The following FAM13A variants were observed in gnomAD, a reference collection of about 807,000 sequenced individuals.
FAM13A encodes protein FAM13A.
Under a neutral mutation model 129.6 loss-of-function variants are expected in FAM13A, and 76 were observed. The ratio of observed to expected loss-of-function variants is 0.59; its 90% CI spans 0.49 to 0.71. The LOEUF is 0.71. Among genes scored for constraint, FAM13A ranks in the 30% least tolerant of loss-of-function variants. The pLI, the probability that FAM13A is intolerant of heterozygous loss-of-function variation, is 0.00. For synonymous variants in FAM13A, 443 were observed against 449.9 expected (o/e 0.98, Z 0.20); for missense variants, 1,108 against 1,249.3 (o/e 0.89, Z 1.70).
intron 13 of FAM13A, 81 bp downstream of exon 13, chr4:88,767,472 G>T: frequency 2.0e-6 from 2 of 977,842 alleles, no homozygotes; most frequent in Non-Finnish European, 3.0e-6. Context: ...TCCCTTATTG[G>T]CAGACTAATA....
At chr4:88,895,433 C>T (rs921332897) in intron 6 of FAM13A, among the ~76,000 whole-genome samples, 9 of 151,130 alleles carry the variant, frequency 6.0e-5, no homozygotes, top group African/African-American at 2.2e-4. Context: ...TCTAATTAAA[C>T]TAAAGAGCTT....
At chr4:88,850,621 T>C (rs894271952) in intron 7 of FAM13A, among the ~76,000 whole-genome samples, 2 of 152,178 alleles carry the variant, frequency 1.3e-5, no homozygotes, top group African/African-American at 4.8e-5. Flanking sequence ...AGTTATAATG[T>C]GCAACATACT....
chr4:89,003,164 C>A (rs867362057), intron 3 of FAM13A, among the ~76,000 whole-genome samples: 1 of 151,264 alleles, frequency 6.6e-6, no homozygotes, highest in African/African-American at 2.4e-5. Flanking sequence ...ATGACATCTA[C>A]AACCAATACA....
At chr4:89,054,925 A>G (rs999139119) in intron 1 of FAM13A, among the ~76,000 whole-genome samples, 8 of 151,954 alleles carry the variant, frequency 5.3e-5, no homozygotes, top group Non-Finnish European at 8.8e-5. Flanking sequence ...ATTATTTACT[A>G]CCTCTCTAAA....
At chr4:88,875,129 C>A (rs1449137381) in intron 6 of FAM13A, among the ~76,000 whole-genome samples, 1 of 152,124 alleles carries the variant, frequency 6.6e-6, no homozygotes, top group African/African-American at 2.4e-5. Context: ...ACATCTTATA[C>A]AAAAATTAAT....
intron 6 of FAM13A, among the ~76,000 whole-genome samples, chr4:88,883,423 C>T (rs1019494483): frequency 2.0e-5 from 3 of 151,806 alleles, no homozygotes; most frequent in African/African-American, 7.3e-5. Context: ...ATTGGGCCAA[C>T]AATGAAATCA....
intron 3 of FAM13A, among the ~76,000 whole-genome samples, chr4:89,010,217 T>C (rs1765557751): frequency 1.3e-5 from 2 of 152,346 alleles, no homozygotes; most frequent in African/African-American, 4.8e-5. Context: ...CCTCTGCCTA[T>C]ATAAGTAAAA....
At position 88,933,011 on chromosome 4, in the gene FAM13A, T is replaced by C. The variant is rs374231397; in HGVS notation, c.759+5077A>G. Among the ~76,000 whole-genome samples, 13 of 152,262 alleles carry C rather than the reference T, an allele frequency of 8.5e-5. No individual in the cohort carries two copies. In the East Asian group the frequency reaches 1.3e-3, roughly 16 times the overall value. ...ATAGGTTAAAATGACTATTGATTAC[T>C]TCCCACAATCAAATAAAGCATTAAA... is the stretch of plus-strand genomic sequence containing the variant. On this transcript the variant is annotated intron_variant, in intron 5 of 23. Coordinates refer to ENST00000264344, the MANE Select transcript of FAM13A (RefSeq NM_014883.4).
chr4:88,746,382 C>T (rs1741338547), intron 19 of FAM13A, among the ~76,000 whole-genome samples: 2 of 152,208 alleles, frequency 1.3e-5, no homozygotes, highest in African/African-American at 4.8e-5. Flanking sequence ...TCAAATGCTT[C>T]CCGTTGTTAT....
chr4:88,952,715 AG>A (rs1297926931), intron 4 of FAM13A, among the ~76,000 whole-genome samples: 7 of 152,244 alleles, frequency 4.6e-5, no homozygotes, highest in Middle Eastern at 3.4e-3. Flanking sequence ...TGGGAGGCCG[AG>A]GTGGGTGGAT....
intron 4 of FAM13A, among the ~76,000 whole-genome samples, chr4:88,944,138 G>A (rs376076076): frequency 5.9e-5 from 9 of 152,136 alleles, no homozygotes; most frequent in Non-Finnish European, 1.0e-4. Flanking sequence ...CTGTGTGGGA[G>A]GTGGACTTGA....
chr4:88,800,091 C>G (rs1421845820), intron 8 of FAM13A, among the ~76,000 whole-genome samples: 1 of 152,088 alleles, frequency 6.6e-6, no homozygotes, highest in African/African-American at 2.4e-5. Context: ...ATGAGGTACC[C>G]GGAGTAGTCA....
chr4:88,818,996 T>C (rs1731366307), intron 7 of FAM13A, among the ~76,000 whole-genome samples: 1 of 152,352 alleles, frequency 6.6e-6, no homozygotes, highest in South Asian at 2.1e-4. Context: ...GAAGAACTGA[T>C]GAATTCTACT....
At chr4:89,011,962 T>C (rs1289121257) in intron 3 of FAM13A, among the ~76,000 whole-genome samples, 3 of 152,212 alleles carry the variant, frequency 2.0e-5, no homozygotes, top group Admixed American at 1.3e-4. Context: ...TTTTCATTTC[T>C]TTGTATTACT....
chr4:89,016,198 A>C (rs2149097560), intron 3 of FAM13A, among the ~76,000 whole-genome samples: 1 of 143,006 alleles, frequency 7.0e-6, no homozygotes, highest in South Asian at 2.3e-4. Context: ...TAAAAAAAAA[A>C]AAACACAATT....
At chr4:88,858,470 T>C (rs1439175565) in intron 6 of FAM13A, among the ~76,000 whole-genome samples, 2 of 152,168 alleles carry the variant, frequency 1.3e-5, no homozygotes, top group African/African-American at 2.4e-5. Flanking sequence ...GCAATATTCA[T>C]GGTAGGCAAA....
chr4:88,913,121 G>T (rs891053878), intron 5 of FAM13A, among the ~76,000 whole-genome samples: 1 of 149,238 alleles, frequency 6.7e-6, no homozygotes, highest in Non-Finnish European at 1.5e-5. Context: ...GGAAGAGGAA[G>T]AAGAACAGGA....
intron 5 of FAM13A, among the ~76,000 whole-genome samples, chr4:88,924,149 A>G (rs191939743): frequency 1.3e-3 from 197 of 152,334 alleles, no homozygotes; most frequent in Admixed American, 2.9e-3. Flanking sequence ...TATACCTTCA[A>G]TGCCATCCCC....
intron 5 of FAM13A, among the ~76,000 whole-genome samples, chr4:88,911,569 C>T (rs1159462121): frequency 6.6e-6 from 1 of 152,182 alleles, no homozygotes; most frequent in Non-Finnish European, 1.5e-5. Flanking sequence ...ATCTACAAAC[C>T]TAGCTGAAAT....
Sources: allele counts gnomAD v4.1 joint callset (sites outside exome capture counted in the v4.1 genomes callset), GRCh38; gene constraint gnomAD v4.1.1; transcripts MANE v1.5; gene names NCBI Gene and HGNC (gene_info 2026-07-23, HGNC 2026-07-21).